N4BP2L2: variants seen among roughly 807,000 people sequenced by gnomAD.
N4BP2L2 encodes NEDD4-binding protein 2-like 2.
A neutral mutation model predicts 56.2 loss-of-function variants in N4BP2L2; 50 were observed. The ratio of observed to expected loss-of-function variants is 0.89; its 90% CI spans 0.71 to 1.13. N4BP2L2 has a LOEUF of 1.13. N4BP2L2 is among the 50% of genes most tolerant of loss of function. The pLI, the probability that N4BP2L2 is intolerant of heterozygous loss-of-function variation, is 0.00. For synonymous variants in N4BP2L2, 203 were observed against 223.6 expected (o/e 0.91, Z 0.82); for missense variants, 689 against 693.8 (o/e 0.99, Z 0.08).
chr13:32,451,714 C>A (rs1321009030), intron 6 of N4BP2L2, among the ~76,000 whole-genome samples: 1 of 150,114 alleles, frequency 6.7e-6, no homozygotes, highest in Non-Finnish European at 1.5e-5. Context: ...AGCTGCCCAG[C>A]TATTTTTTTT....
At chr13:32,436,364 T>G (rs1444729370) in exon 9 of N4BP2L2, 1 of 1,222,372 alleles carries the variant, frequency 8.2e-7, no homozygotes, top group Non-Finnish European at 1.1e-6. Context: ...TACTTACAGT[T>G]CAAGGAATTT....
chr13:32,483,748 A>G (rs2085257270), intron 6 of N4BP2L2, among the ~76,000 whole-genome samples: 1 of 152,188 alleles, frequency 6.6e-6, no homozygotes, highest in South Asian at 2.1e-4. Flanking sequence ...TCACCATTAC[A>G]TAATACATTT....
At chr13:32,517,840 C>A in exon 6 of N4BP2L2, 1 of 1,613,808 alleles carries the variant, frequency 6.2e-7, no homozygotes, top group Non-Finnish European at 8.5e-7. Flanking sequence ...TTATGTGAGC[C>A]AAGAGAGCCT....
rs139442832 is a variant in N4BP2L2 at position 32,521,539 on chromosome 13, A to G, written c.1474-90T>C. On this transcript the variant is annotated intron_variant, in intron 4 of 5. Coordinates refer to ENST00000267068, the Ensembl canonical transcript of N4BP2L2. The stretch of plus-strand genomic sequence containing the variant: ...GACAGTTAAATTTCATTTCGACAAT[A>G]CTATACACTTGCTCGACCAAGAAAA... 1.8e-5 allele frequency: 15 copies of G among 820,496 alleles called. No homozygotes were observed. In the Admixed American group the frequency reaches 3.5e-4, roughly 19 times the overall value. The allele number at this position is 820,496 out of a possible 1,614,324, so 50.8% of individuals were successfully genotyped here.
intron 6 of N4BP2L2, among the ~76,000 whole-genome samples, chr13:32,465,649 T>G (rs962885490): frequency 6.6e-6 from 1 of 152,174 alleles, no homozygotes; most frequent in African/African-American, 2.4e-5. Context: ...AAATGCATAT[T>G]TATTTTAGTT....
chr13:32,491,479 G>C (rs994252170), intron 6 of N4BP2L2, among the ~76,000 whole-genome samples: 16 of 149,496 alleles, frequency 1.1e-4, no homozygotes, highest in Non-Finnish European at 2.1e-4. Context: ...CTACAAAGTA[G>C]TTATGTCAAT....
rs575320896 is a variant in N4BP2L2, at chr13:32,441,051, C to T, written c.2104+1337G>A. 5.9e-5 allele frequency among the ~76,000 whole-genome samples: 9 copies of T among 151,922 alleles called. No individual in the cohort carries two copies. The South Asian group carries it at 8.3e-4, about 14-fold the overall frequency. Reference sequence around the variant, plus strand: ...TGTATTTTTAGTAGAGGCATGTTTTCGTCATGTTAGCCAGGCTGGTCTCAA... The same window carrying T: ...TGTATTTTTAGTAGAGGCATGTTTTTGTCATGTTAGCCAGGCTGGTCTCAA... On this transcript the variant is annotated intron_variant, in intron 7 of 9. Coordinates refer to the N4BP2L2 transcript ENST00000357505.
chr13:32,452,602 A>G (rs902512728), intron 6 of N4BP2L2, among the ~76,000 whole-genome samples: 4 of 152,246 alleles, frequency 2.6e-5, no homozygotes, highest in Non-Finnish European at 5.9e-5. Context: ...CAGCAGGTTA[A>G]AGGATAAAAC....
chr13:32,506,001 C>T (rs1671513115), downstream of N4BP2L2: 1 of 152,216 alleles, frequency 6.6e-6, no homozygotes, highest in Non-Finnish European at 1.5e-5. Flanking sequence ...ACCCCACTTT[C>T]CCAATACCAA....
chr13:32,442,841 T>C, exon 7 of N4BP2L2: 1 of 1,613,600 alleles, frequency 6.2e-7, no homozygotes, highest in Non-Finnish European at 8.5e-7. Context: ...TTTAAAGGGG[T>C]AGCTTTGATA....
At chr13:32,450,243 A>T (rs1163548938) in intron 6 of N4BP2L2, among the ~76,000 whole-genome samples, 5 of 152,226 alleles carry the variant, frequency 3.3e-5, no homozygotes, top group African/African-American at 9.6e-5. Context: ...AAAAAATTGT[A>T]AACATGGAAA....
chr13:32,451,627 G>A (rs2078032391), intron 6 of N4BP2L2, among the ~76,000 whole-genome samples: 1 of 151,382 alleles, frequency 6.6e-6, no homozygotes, highest in Non-Finnish European at 1.5e-5. Flanking sequence ...CTGCAACCTT[G>A]AGCTCCCAAG....
chr13:32,442,938 A>G, exon 7 of N4BP2L2: 4 of 1,612,698 alleles, frequency 2.5e-6, no homozygotes, highest in Non-Finnish European at 3.4e-6. Context: ...CTGAAATTCT[A>G]TCTTTTTCTT....
chr13:32,444,094 A>C, exon 7 of N4BP2L2: 1 of 1,557,032 alleles, frequency 6.4e-7, no homozygotes, highest in Non-Finnish European at 8.7e-7. Context: ...GGTTTTGCTG[A>C]GCCTATGCCC....
At chr13:32,441,888 A>AAAATAAATAAATAAAT in intron 7 of N4BP2L2, among the ~76,000 whole-genome samples, 1 of 138,908 alleles carries the variant, frequency 7.2e-6, no homozygotes, top group African/African-American at 2.7e-5. Context: ...CTAAAAATAC[A>AAAATAAATAAATAAAT]AAATAAATAA....
intron 2 of N4BP2L2, 26 bp from the exon 3 acceptor site, chr13:32,527,558 T>A: frequency 6.2e-7 from 1 of 1,605,156 alleles, no homozygotes; most frequent in Non-Finnish European, 8.5e-7. Flanking sequence ...ATCATAAAGG[T>A]GCCATTTACA....
chr13:32,536,828 T>TCAA, exon 2 of N4BP2L2: 1 of 1,614,056 alleles, frequency 6.2e-7, no homozygotes, highest in East Asian at 2.2e-5. Context: ...CTCCTGCAAA[T>TCAA]AACTATGTCC....
chr13:32,491,633 A>ATT (rs1279782685), intron 6 of N4BP2L2, among the ~76,000 whole-genome samples: 5 of 114,044 alleles, frequency 4.4e-5, no homozygotes, highest in African/African-American at 3.7e-5. Flanking sequence ...ATATATATAT[A>ATT]TATTTTTTTT....
At chr13:32,500,387 T>A (rs2089737444) in intron 6 of N4BP2L2, among the ~76,000 whole-genome samples, 1 of 151,978 alleles carries the variant, frequency 6.6e-6, no homozygotes, top group African/African-American at 2.4e-5. Flanking sequence ...TCTACTTCAG[T>A]TTAAAAGTAG....
Sources: gnomAD v4.1 joint callset for allele counts (sites outside exome capture counted in the v4.1 genomes callset) on GRCh38, gnomAD v4.1.1 for gene constraint, MANE v1.5 for transcripts, NCBI Gene and HGNC (gene_info 2026-07-23, HGNC 2026-07-21) for gene names.